The following CIROZ variants were observed in gnomAD, a reference collection of about 807,000 sequenced individuals.
The protein encoded by CIROZ is ciliated left-right organizer protein containing ZP-N domains.
the CIROZ span, among the ~76,000 whole-genome samples, chr1:10,950,119 C>T: frequency 1.4e-5 from 2 of 147,790 alleles, no homozygotes; most frequent in Non-Finnish European, 3.0e-5. Context: ...CTGCAACCTC[C>T]GCCTCCTGGG....
the CIROZ span, among the ~76,000 whole-genome samples, chr1:10,966,069 G>A: frequency 1.1e-4 from 16 of 152,192 alleles, no homozygotes; most frequent in Non-Finnish European, 2.1e-4. Context: ...AGGATATGGT[G>A]TGTGAGTGGG....
chr1:10,949,420 G>C, the CIROZ span: 1 of 648,458 alleles, frequency 1.5e-6, no homozygotes, highest in East Asian at 2.9e-5. Flanking sequence ...GCTGCCCTCA[G>C]GTGGGAGCTC....
the CIROZ span, among the ~76,000 whole-genome samples, chr1:10,956,766 C>T: frequency 7.9e-5 from 12 of 152,080 alleles, no homozygotes; most frequent in Admixed American, 2.6e-4. Flanking sequence ...CGTGAGCCAC[C>T]GCGCCCGGCC....
chr1:10,958,876 G>A, the CIROZ span: 3,302 of 922,290 alleles, frequency 3.6e-3, 8 homozygotes, highest in Non-Finnish European at 5.0e-3. Context: ...GAGCTGTGCC[G>A]CAGGGTTGTT....
At chr1:10,968,912 T>C in the CIROZ span, among the ~76,000 whole-genome samples, 1 of 152,244 alleles carries the variant, frequency 6.6e-6, no homozygotes, top group South Asian at 2.1e-4. Context: ...GAACAAGCGT[T>C]TTAAGACTAT....
At chr1:10,947,015 T>G in the CIROZ span, among the ~76,000 whole-genome samples, 13,542 of 152,246 alleles carry the variant, frequency 0.089, 1,098 homozygotes, top group African/African-American at 0.22. Flanking sequence ...AGAATGGCTC[T>G]CGAGTTCTGA....
the CIROZ span, chr1:10,966,607 A>G: frequency 6.5e-6 from 7 of 1,074,604 alleles, no homozygotes; most frequent in African/African-American, 1.6e-5. Flanking sequence ...TGGAAGGGAT[A>G]AAAATAGCAG....
At chr1:10,955,673 T>A in the CIROZ span, among the ~76,000 whole-genome samples, 1 of 151,872 alleles carries the variant, frequency 6.6e-6, no homozygotes, top group African/African-American at 2.4e-5. Flanking sequence ...TGAAACCCCA[T>A]CTCTACTAAA....
the CIROZ span, among the ~76,000 whole-genome samples, chr1:10,951,969 A>C: frequency 1.3e-5 from 2 of 152,084 alleles, no homozygotes; most frequent in Non-Finnish European, 2.9e-5. Context: ...CCAACACATT[A>C]GTCACATATT....
the CIROZ span, among the ~76,000 whole-genome samples, chr1:10,968,644 C>T: frequency 6.6e-5 from 10 of 152,338 alleles, no homozygotes; most frequent in African/African-American, 2.4e-4. Context: ...CTCACACCTG[C>T]TTGCTGTCCC....
At chr1:10,952,160 A>G in the CIROZ span, among the ~76,000 whole-genome samples, 1 of 152,194 alleles carries the variant, frequency 6.6e-6, no homozygotes, top group African/African-American at 2.4e-5. Flanking sequence ...AGGGAGAGAC[A>G]GGAGCATGCA....
chr1:10,967,422 G>A, the CIROZ span, among the ~76,000 whole-genome samples: 8 of 152,094 alleles, frequency 5.3e-5, no homozygotes, highest in African/African-American at 1.9e-4. Context: ...CAGTCCTTGT[G>A]CAAATGTTGC....
At chr1:10,975,431 A>AC in the CIROZ span, among the ~76,000 whole-genome samples, 2 of 141,034 alleles carry the variant, frequency 1.4e-5, no homozygotes, top group Non-Finnish European at 3.1e-5. Flanking sequence ...AAAAAAAAAA[A>AC]CACAAAAATT....
the CIROZ span, among the ~76,000 whole-genome samples, chr1:10,967,155 GAA>G: frequency 0.052 from 6,057 of 116,160 alleles, 428 homozygotes; most frequent in African/African-American, 0.16. Flanking sequence ...TCCAAAAAAA[GAA>G]AAAAAAAAAA....
chr1:10,960,385 T>C, the CIROZ span, among the ~76,000 whole-genome samples: 4 of 151,970 alleles, frequency 2.6e-5, no homozygotes, highest in Admixed American at 2.0e-4. The surrounding 1 kb of genome is among the most constrained non-coding windows in gnomAD (Gnocchi z 4.6). Context: ...CCTGGGCGAC[T>C]CTGGCCAGAG....
At chr1:10,976,097 C>T in the CIROZ span, 23 of 1,437,154 alleles carry the variant, frequency 1.6e-5, no homozygotes, top group Non-Finnish European at 1.8e-5. Flanking sequence ...GGTTCTCAGT[C>T]TGCTCATTGG....
the CIROZ span, chr1:10,969,831 G>T: frequency 9.3e-6 from 12 of 1,287,092 alleles, no homozygotes; most frequent in African/African-American, 1.5e-4. Flanking sequence ...GAAGGGCTGT[G>T]GGGGGAGGTG....
the CIROZ span, chr1:10,981,913 G>C: frequency 1.4e-6 from 2 of 1,445,618 alleles, no homozygotes; most frequent in Non-Finnish European, 1.9e-6. Flanking sequence ...TAGATGCAAG[G>C]CTTCTGATTC....
chr1:10,951,791 T>A, the CIROZ span, among the ~76,000 whole-genome samples: 1 of 147,210 alleles, frequency 6.8e-6, no homozygotes, highest in Non-Finnish European at 1.5e-5. Context: ...CACACACATA[T>A]GAAAACAACT....
Sources: allele counts gnomAD v4.1 joint callset (sites outside exome capture counted in the v4.1 genomes callset), GRCh38; gene constraint gnomAD v4.1.1; non-coding constraint Gnocchi (gnomAD v3.1); transcripts MANE v1.5; gene names NCBI Gene and HGNC (gene_info 2026-07-23, HGNC 2026-07-21).